Variants in NGF observed in about 807,000 individuals in gnomAD.
NGF encodes the protein beta-nerve growth factor.
Under a neutral mutation model 12.8 loss-of-function variants are expected in NGF, and 4 were observed. The ratio of observed to expected loss-of-function variants is 0.31; its 90% confidence interval spans 0.15 to 0.72. NGF has a LOEUF of 0.72. NGF is among the 30% of genes least tolerant of loss of function. NGF has a pLI of 0.69. For synonymous variants in NGF, 140 were observed against 130.0 expected, an observed-to-expected ratio of 1.08 and a Z score of -0.52; for missense variants, 283 against 330.8, an observed-to-expected ratio of 0.86 and a Z score of 1.12.
At chr1:115,324,122 C>A (rs1377392344) in intron 1 of NGF, among the ~76,000 whole-genome samples, 2 of 152,186 alleles carry the variant, frequency 1.3e-5, no homozygotes, top group Non-Finnish European at 2.9e-5. Flanking sequence ...AACACCCACC[C>A]ATCACCTGGC....
At chr1:115,324,996 C>T (rs55817315) in intron 1 of NGF, among the ~76,000 whole-genome samples, 20,099 of 152,094 alleles carry the variant, frequency 0.13, 1,765 homozygotes, top group East Asian at 0.35. Flanking sequence ...GAAAACAAAT[C>T]ATAAAATTAA....
At chr1:115,333,769 CTT>C (rs1655021667) in intron 1 of NGF, among the ~76,000 whole-genome samples, 1 of 133,070 alleles carries the variant, frequency 7.5e-6, no homozygotes, top group Admixed American at 8.0e-5. Context: ...CCCTCTCTCT[CTT>C]TCTTCATTCC....
rs78220001 is a variant in NGF, at chr1:115,287,181, G to A, written c.-12-374C>T. On this transcript the variant is annotated intron_variant, in intron 2 of 2. Coordinates refer to ENST00000369512, the MANE Select transcript of NGF (RefSeq NM_002506.3). Reference sequence around the variant, plus strand: ...TGTCCATGTGTGTACCAGGGAGGCCGGTGGGGAGAGTTTAACATCTCTCCC... The same window carrying A: ...TGTCCATGTGTGTACCAGGGAGGCCAGTGGGGAGAGTTTAACATCTCTCCC... 5.7e-4 allele frequency among the ~76,000 whole-genome samples: 87 copies of A among 152,288 alleles called. No individual in the cohort carries two copies. The East Asian group carries it at 0.014, about 24-fold the overall frequency.
chr1:115,297,753 C>A (rs953703308), intron 1 of NGF, among the ~76,000 whole-genome samples: 5 of 152,210 alleles, frequency 3.3e-5, no homozygotes, highest in African/African-American at 9.6e-5. Flanking sequence ...CTCCCCCTTT[C>A]TACTGTCCCT....
intron 1 of NGF, among the ~76,000 whole-genome samples, chr1:115,318,236 T>C (rs1199419645): frequency 1.3e-5 from 2 of 152,190 alleles, no homozygotes; most frequent in Non-Finnish European, 2.9e-5. Context: ...GCTGAGCCCC[T>C]GCTCATCCCC....
intron 1 of NGF, among the ~76,000 whole-genome samples, chr1:115,302,508 GA>G (rs1299988725): frequency 1.3e-5 from 2 of 152,050 alleles, no homozygotes; most frequent in African/African-American, 4.8e-5. Flanking sequence ...ATGAAAAGAT[GA>G]AAAAAAGAAA....
At chr1:115,333,657 CTTT>C (rs1654990959) in intron 1 of NGF, among the ~76,000 whole-genome samples, 1 of 10,292 alleles carries the variant, frequency 9.7e-5, no homozygotes, top group African/African-American at 5.4e-4. Context: ...CTTTCTTTCT[CTTT>C]CTTTCTTTCT....
At position 115,286,679 on chromosome 1, in the gene NGF, T is replaced by G; in HGVS notation, c.117A>C (p.Lys39Asn). ...GGGCAGTGTCAAGGGAATGCTGAAG[T>G]TTAGTCCAGTGGGCTTGGGGGATGG... ...GHTIPQAHWTKLQHSLDTALR... is the reference protein window; with the variant it reads ...GHTIPQAHWTNLQHSLDTALR... The change falls in exon 3 of 3, where the codon AAA becomes AAC. Residue 39 changes from lysine to asparagine, a missense_variant. By Grantham distance (94) the Lys-to-Asn change is moderately conservative. Coordinates refer to ENST00000369512, the MANE Select transcript of NGF (RefSeq NM_002506.3). The G allele has an allele frequency of 6.2e-7, 1 of 1,614,172 alleles. No homozygotes were observed. Among genetic ancestry groups the G allele is most frequent in the Non-Finnish European group, 8.5e-7 (1 of 1,180,028 alleles).
chr1:115,291,182 A>T (rs2300695), intron 2 of NGF, among the ~76,000 whole-genome samples: 7,708 of 152,246 alleles, frequency 0.051, 359 homozygotes, highest in Admixed American at 0.14. Context: ...AAGTTTTTTT[A>T]AAAAAATATT....
intron 2 of NGF, among the ~76,000 whole-genome samples, chr1:115,292,889 A>G (rs1653746763): frequency 6.6e-6 from 1 of 151,856 alleles, no homozygotes; most frequent in Non-Finnish European, 1.5e-5. Flanking sequence ...TGCCCATGAT[A>G]GAAATATGCA....
chr1:115,333,401 C>T (rs976986161), intron 1 of NGF, among the ~76,000 whole-genome samples: 1 of 150,346 alleles, frequency 6.7e-6, no homozygotes, highest in African/African-American at 2.5e-5. Context: ...GAAGCCACCA[C>T]AGGCGGTGCC....
chr1:115,296,649 C>T (rs1653879856), intron 1 of NGF, among the ~76,000 whole-genome samples: 1 of 152,194 alleles, frequency 6.6e-6, no homozygotes, highest in Admixed American at 6.5e-5. Flanking sequence ...TCCAGCATTT[C>T]CTATGCCTTT....
chr1:115,330,639 G>A (rs1207078797), intron 1 of NGF, among the ~76,000 whole-genome samples: 2 of 152,180 alleles, frequency 1.3e-5, no homozygotes, highest in Non-Finnish European at 1.5e-5. Context: ...GCAGTGGCAG[G>A]TTGGTTGAAT....
At chr1:115,307,650 G>A (rs1333320603) in intron 1 of NGF, among the ~76,000 whole-genome samples, 1 of 152,220 alleles carries the variant, frequency 6.6e-6, no homozygotes, top group Non-Finnish European at 1.5e-5. Context: ...TCACTGAACT[G>A]GCTTCTGGTA....
intron 1 of NGF, among the ~76,000 whole-genome samples, chr1:115,305,659 C>CCT (rs2101036929): frequency 6.6e-6 from 1 of 152,262 alleles, no homozygotes; most frequent in East Asian, 1.9e-4. Context: ...GAGGGAGCTC[C>CCT]CTCCTCATGA....
At chr1:115,296,333 C>G (rs1653869773) in intron 1 of NGF, among the ~76,000 whole-genome samples, 1 of 152,222 alleles carries the variant, frequency 6.6e-6, no homozygotes, top group Non-Finnish European at 1.5e-5. Context: ...AAAGCCTCCG[C>G]TTTTAATCAG....
chr1:115,332,839 A>G (rs1282486205), intron 1 of NGF, among the ~76,000 whole-genome samples: 2 of 152,160 alleles, frequency 1.3e-5, no homozygotes, highest in Non-Finnish European at 2.9e-5. Flanking sequence ...CTTTTTCTGA[A>G]AGTGTTCTCC....
At chr1:115,329,918 T>A (rs1390476025) in intron 1 of NGF, among the ~76,000 whole-genome samples, 2 of 152,034 alleles carry the variant, frequency 1.3e-5, no homozygotes, top group Admixed American at 1.3e-4. Flanking sequence ...GCCTGGCTAA[T>A]TTTTTTATTT....
intron 1 of NGF, among the ~76,000 whole-genome samples, chr1:115,325,286 G>A (rs1024712062): frequency 5.9e-5 from 9 of 152,150 alleles, no homozygotes; most frequent in African/African-American, 2.2e-4. Context: ...TTAAGATGCT[G>A]GAGACAGTCA....
Sources: allele counts gnomAD v4.1 joint callset (sites outside exome capture counted in the v4.1 genomes callset), GRCh38; gene constraint gnomAD v4.1.1; transcripts MANE v1.5; gene names NCBI Gene and HGNC (gene_info 2026-07-23, HGNC 2026-07-21).